The following OPCML variants were observed in gnomAD, a reference collection of about 807,000 sequenced individuals.
The protein encoded by OPCML is opioid binding protein/cell adhesion molecule like, also known as opioid-binding protein/cell adhesion molecule.
OPCML carries 13 observed loss-of-function variants against 37.8 expected under a neutral mutation model. That is an observed-to-expected ratio of 0.34 (90% confidence interval 0.22 to 0.55). OPCML has a LOEUF of 0.55. Among genes scored for constraint, OPCML ranks in the 20% least tolerant of loss-of-function variants. The probability of loss-of-function intolerance (pLI) is 0.91; values close to 1 mark genes in which losing one functional copy is unlikely to be tolerated. For synonymous variants in OPCML, 176 were observed against 168.8 expected, an observed-to-expected ratio of 1.04 and a Z score of -0.33; for missense variants, 341 against 435.6, an observed-to-expected ratio of 0.78 and a Z score of 1.93.
chr11:133,129,538 T>C (rs926778848), intron 1 of OPCML, among the ~76,000 whole-genome samples: 53 of 152,102 alleles, frequency 3.5e-4, no homozygotes, highest in African/African-American at 1.1e-3. Flanking sequence ...TATAGAAAAA[T>C]AGAAATATCT....
At chr11:133,480,520 G>A (rs1249566704) in intron 1 of OPCML, among the ~76,000 whole-genome samples, 1 of 152,194 alleles carries the variant, frequency 6.6e-6, no homozygotes, top group Admixed American at 6.5e-5. Context: ...TCTGGTTTAT[G>A]ATCTGCTCCC....
At chr11:133,042,060 C>G (rs1947910568) in intron 1 of OPCML, among the ~76,000 whole-genome samples, 1 of 152,120 alleles carries the variant, frequency 6.6e-6, no homozygotes, top group Non-Finnish European at 1.5e-5. Flanking sequence ...GGGGAGCCTG[C>G]TTATTCCCTC....
chr11:133,415,141 G>A (rs2136878244), intron 1 of OPCML, among the ~76,000 whole-genome samples: 1 of 152,302 alleles, frequency 6.6e-6, no homozygotes, highest in African/African-American at 2.4e-5. Context: ...CAGGCACGGT[G>A]GCTCAAGCCT....
chr11:132,624,694 C>T (rs1939635930), intron 3 of OPCML, among the ~76,000 whole-genome samples: 1 of 152,178 alleles, frequency 6.6e-6, no homozygotes, highest in African/African-American at 2.4e-5. Context: ...CTAGTCGTAA[C>T]TCCACAGTCT....
intron 3 of OPCML, among the ~76,000 whole-genome samples, chr11:132,564,804 T>G (rs2137527695): frequency 6.6e-6 from 1 of 152,348 alleles, no homozygotes; most frequent in South Asian, 2.1e-4. Context: ...CAGTAGATTT[T>G]ACAGTCCTGG....
At chr11:133,419,178 A>T (rs1592280901) in intron 1 of OPCML, 1 of 862,248 alleles carries the variant, frequency 1.2e-6, no homozygotes, top group Non-Finnish European at 1.3e-6. Flanking sequence ...GCACAGTCTC[A>T]GTAAGTTGGC....
intron 2 of OPCML, among the ~76,000 whole-genome samples, chr11:132,697,643 T>G (rs972138319): frequency 6.6e-6 from 1 of 152,252 alleles, no homozygotes; most frequent in Admixed American, 6.5e-5. Flanking sequence ...TATTTTTATA[T>G]AGAACACGTT....
At position 133,308,470 on chromosome 11, in the gene OPCML, T is replaced by C. The variant is rs868210852; in HGVS notation, c.61+223794A>G. On this transcript the variant is annotated intron_variant, in intron 1 of 7. Coordinates refer to ENST00000524381, the MANE Select transcript of OPCML (RefSeq NM_001012393.5). ...AAGGAGAGGTGACTAGAATAAACCCTGTGGAGCTGAGTAGAGTCAAAGCTA... is the reference window on the plus strand; with the variant it reads ...AAGGAGAGGTGACTAGAATAAACCCCGTGGAGCTGAGTAGAGTCAAAGCTA... 5.9e-5 allele frequency among the ~76,000 whole-genome samples: 9 copies of C among 152,268 alleles called. No homozygotes were observed. In the South Asian group the frequency reaches 1.0e-3, roughly 18 times the overall value.
intron 1 of OPCML, among the ~76,000 whole-genome samples, chr11:133,214,309 G>C (rs1038096760): frequency 6.6e-6 from 1 of 152,030 alleles, no homozygotes; most frequent in Non-Finnish European, 1.5e-5. Context: ...GCTTTGAAAA[G>C]CTTAGGCTAA....
chr11:132,630,592 C>T (rs779809407), intron 3 of OPCML, among the ~76,000 whole-genome samples: 5 of 151,866 alleles, frequency 3.3e-5, no homozygotes, highest in Non-Finnish European at 4.4e-5. Flanking sequence ...CCACTACATA[C>T]TAGAATAATT....
intron 3 of OPCML, among the ~76,000 whole-genome samples, chr11:132,645,495 T>G (rs1941102349): frequency 6.6e-6 from 1 of 152,252 alleles, no homozygotes; most frequent in South Asian, 2.1e-4. Flanking sequence ...TCTATGGTCA[T>G]GCCAATTCAG....
chr11:133,304,508 A>G (rs1296867696), intron 1 of OPCML, among the ~76,000 whole-genome samples: 1 of 152,152 alleles, frequency 6.6e-6, no homozygotes, highest in African/African-American at 2.4e-5. Flanking sequence ...CAGCTCCACA[A>G]CGTGTGCTTG....
chr11:132,891,859 A>G (rs1364312496), intron 2 of OPCML, among the ~76,000 whole-genome samples: 1 of 152,200 alleles, frequency 6.6e-6, no homozygotes, highest in Non-Finnish European at 1.5e-5. Context: ...TGTTCCCTGT[A>G]AACATCCTCT....
chr11:133,135,702 G>A (rs888664073), intron 1 of OPCML, among the ~76,000 whole-genome samples: 1 of 152,196 alleles, frequency 6.6e-6, no homozygotes, highest in Non-Finnish European at 1.5e-5. Flanking sequence ...GCTCTATGGA[G>A]TTAACATTCC....
At chr11:133,023,012 T>C (rs989405568) in intron 1 of OPCML, among the ~76,000 whole-genome samples, 5 of 152,228 alleles carry the variant, frequency 3.3e-5, no homozygotes, top group African/African-American at 1.2e-4. Context: ...CCATTGGCCT[T>C]ATCTCATGCA....
intron 1 of OPCML, among the ~76,000 whole-genome samples, chr11:132,988,804 G>A (rs1014343484): frequency 2.0e-5 from 3 of 152,142 alleles, no homozygotes; most frequent in African/African-American, 7.2e-5. Context: ...GATTGAAAAT[G>A]GAGCTATTCA....
At chr11:132,985,569 C>A (rs1013698318) in intron 1 of OPCML, among the ~76,000 whole-genome samples, 1 of 152,190 alleles carries the variant, frequency 6.6e-6, no homozygotes, top group Non-Finnish European at 1.5e-5. Flanking sequence ...TCAGACTTAA[C>A]CAGGAGAATA....
intron 4 of OPCML, among the ~76,000 whole-genome samples, chr11:132,515,707 G>C (rs1413474767): frequency 6.6e-6 from 1 of 152,130 alleles, no homozygotes; most frequent in Non-Finnish European, 1.5e-5. Flanking sequence ...ATCTCATACA[G>C]AGAAACAGCT....
intron 1 of OPCML, among the ~76,000 whole-genome samples, chr11:133,238,520 A>C (rs1335923919): frequency 6.6e-6 from 1 of 152,216 alleles, no homozygotes; most frequent in Non-Finnish European, 1.5e-5. Context: ...GAAACTTAGA[A>C]TCACCGGTGT....
Sources: allele counts gnomAD v4.1 joint callset (sites outside exome capture counted in the v4.1 genomes callset), GRCh38; gene constraint gnomAD v4.1.1; transcripts MANE v1.5; gene names NCBI Gene and HGNC (gene_info 2026-07-23, HGNC 2026-07-21).